The following PMM2 variants were observed in gnomAD, a reference collection of about 807,000 sequenced individuals.
PMM2 encodes phosphomannomutase 2.
Under a neutral mutation model 33.2 loss-of-function variants are expected in PMM2, and 35 were observed. The ratio of observed to expected loss-of-function variants is 1.06; its 90% CI spans 0.81 to 1.40. The LOEUF (loss-of-function observed/expected upper bound fraction) is 1.40, where lower values mean the gene tolerates loss of function less well. Among genes scored for constraint, PMM2 ranks in the 40% most tolerant of loss-of-function variants. PMM2 has a pLI of 0.00. For missense variants in PMM2, 386 were observed against 306.0 expected, an observed-to-expected ratio of 1.26 and a Z score of -1.95; for synonymous variants, 153 against 114.7, an observed-to-expected ratio of 1.33 and a Z score of -2.13.
chr16:8,803,008 G>T (rs906431233), intron 2 of PMM2, among the ~76,000 whole-genome samples: 1 of 152,046 alleles, frequency 6.6e-6, no homozygotes, highest in Non-Finnish European at 1.5e-5. Flanking sequence ...CCTGTGCATT[G>T]TAGGGTCTTT....
intron 7 of PMM2, among the ~76,000 whole-genome samples, chr16:8,827,898 G>GTTATATAATATATGATATATA (rs1567164862): frequency 1.3e-3 from 37 of 27,770 alleles, no homozygotes; most frequent in Non-Finnish European, 9.6e-4. Context: ...TGATATATAT[G>GTTATATAATATATGATATATA]ATATATATTA....
chr16:8,843,832 G>A (rs187169741), intron 7 of PMM2, among the ~76,000 whole-genome samples: 1 of 152,106 alleles, frequency 6.6e-6, no homozygotes, highest in Non-Finnish European at 1.5e-5. Context: ...GGGTCTAGGG[G>A]CTGAGGAAGA....
intron 7 of PMM2, among the ~76,000 whole-genome samples, chr16:8,820,856 G>T (rs1378010535): frequency 4.6e-5 from 7 of 152,204 alleles, no homozygotes; most frequent in Admixed American, 1.3e-4. Context: ...ATTGGAGCCT[G>T]CCAAGTCCCT....
chr16:8,835,885 AGAG>A, intron 7 of PMM2, among the ~76,000 whole-genome samples: 1 of 151,916 alleles, frequency 6.6e-6, no homozygotes, highest in Non-Finnish European at 1.5e-5. Flanking sequence ...GGGGGATACA[AGAG>A]GAGGACACAA....
chr16:8,819,434 TG>T (rs1475780883), intron 7 of PMM2, among the ~76,000 whole-genome samples: 1 of 152,146 alleles, frequency 6.6e-6, no homozygotes, highest in Non-Finnish European at 1.5e-5. Context: ...GAGGTTACTG[TG>T]GGGGTGGGGA....
chr16:8,799,249 C>T (rs774737581), intron 1 of PMM2, among the ~76,000 whole-genome samples: 1 of 152,148 alleles, frequency 6.6e-6, no homozygotes, highest in South Asian at 2.1e-4. Context: ...GTCTGTGGGC[C>T]ATAGTGGTCT....
At chr16:8,810,934 A>G in intron 4 of PMM2, 145 bp from the exon 5 acceptor site, 1 of 681,204 alleles carries the variant, frequency 1.5e-6, no homozygotes, top group Non-Finnish European at 2.7e-6. Context: ...GTTCATGGCT[A>G]CCATATTACA....
In PMM2 at chr16:8,800,560, A is replaced by T. The variant is rs558442464; in HGVS notation, c.67-1239A>T. Among the ~76,000 whole-genome samples the T allele has an allele frequency of 3.5e-4, 53 of 152,274 alleles. 2 individuals are homozygous for T. In the South Asian group the frequency reaches 9.7e-3, roughly 28 times the overall value. On this transcript the variant is annotated intron_variant, in intron 1 of 7. Coordinates refer to ENST00000268261, the MANE Select transcript of PMM2 (RefSeq NM_000303.3). ...ATACCACTAAGACCACTCTTTCTAGATAGGAGCTTTGCTTTTAGAAGAGAC... is the reference window on the plus strand; with the variant it reads ...ATACCACTAAGACCACTCTTTCTAGTTAGGAGCTTTGCTTTTAGAAGAGAC...
intron 7 of PMM2, among the ~76,000 whole-genome samples, chr16:8,840,732 G>GGGA (rs2060884350): frequency 6.6e-6 from 1 of 151,998 alleles, no homozygotes; most frequent in Non-Finnish European, 1.5e-5. Context: ...GAGCCTAGTG[G>GGGA]GGAGGATCCT....
At chr16:8,840,400 C>T (rs2060882287) in intron 7 of PMM2, among the ~76,000 whole-genome samples, 2 of 151,692 alleles carry the variant, frequency 1.3e-5, no homozygotes, top group Admixed American at 6.6e-5. Flanking sequence ...GTAAACCGGC[C>T]GTGTAAACAA....
At chr16:8,841,150 T>G (rs1344275111) in intron 7 of PMM2, among the ~76,000 whole-genome samples, 1 of 151,572 alleles carries the variant, frequency 6.6e-6, no homozygotes, top group African/African-American at 2.4e-5. Context: ...CATTAGTCCG[T>G]TCTACCTTTC....
intron 7 of PMM2, among the ~76,000 whole-genome samples, chr16:8,845,615 G>A (rs891386960): frequency 6.6e-6 from 1 of 151,628 alleles, no homozygotes; most frequent in East Asian, 1.9e-4. Flanking sequence ...GTCTCGCTCT[G>A]TTGCCCAGGC....
intron 7 of PMM2, among the ~76,000 whole-genome samples, chr16:8,818,740 C>G (rs771792254): frequency 1.9e-4 from 28 of 149,600 alleles, no homozygotes; most frequent in Non-Finnish European, 3.2e-4. Flanking sequence ...CGTTGCTTTT[C>G]AAAATATTTG....
chr16:8,842,192 A>G (rs1372902126), intron 7 of PMM2: 2 of 152,156 alleles, frequency 1.3e-5, no homozygotes, highest in Admixed American at 1.3e-4. Flanking sequence ...CAAGATCAAC[A>G]GGCAGAGCAC....
chr16:8,826,152 G>T (rs987527275), intron 7 of PMM2, among the ~76,000 whole-genome samples: 1 of 152,044 alleles, frequency 6.6e-6, no homozygotes. Flanking sequence ...ATACCCTTTC[G>T]ATTTTAGCCA....
At chr16:8,833,376 T>C (rs1363207423) in intron 7 of PMM2, among the ~76,000 whole-genome samples, 1 of 152,218 alleles carries the variant, frequency 6.6e-6, no homozygotes, top group Non-Finnish European at 1.5e-5. Flanking sequence ...CTATTTTTAC[T>C]TTTGCGGATC....
chr16:8,847,852 G>C lies in PMM2; in HGVS notation c.*27G>C. 1 of 1,560,292 alleles carries C rather than the reference G, an allele frequency of 6.4e-7. No homozygotes were observed. The highest frequency in any genetic ancestry group is 8.8e-7 in the Non-Finnish European group (1 of 1,134,512). On this transcript the variant is annotated 3_prime_UTR_variant, in exon 8 of 8. Coordinates refer to ENST00000268261, the MANE Select transcript of PMM2 (RefSeq NM_000303.3). ...GTGGGAGCGGGAGGGGCGGGGTCCC[G>C]GCTGACAAGCCAGCATAGGGCATTC...
chr16:8,847,521 A>C (rs1297283789), intron 7 of PMM2: 2 of 583,006 alleles, frequency 3.4e-6, no homozygotes, highest in African/African-American at 3.7e-5. Context: ...GCCAAATTGC[A>C]GTTCAAGAGA....
At chr16:8,818,465 A>G (rs2060719777) in intron 7 of PMM2, among the ~76,000 whole-genome samples, 1 of 152,208 alleles carries the variant, frequency 6.6e-6, no homozygotes. Flanking sequence ...TCCAAATACT[A>G]GCCTTACACT....
Sources: gnomAD v4.1 joint callset for allele counts (sites outside exome capture counted in the v4.1 genomes callset) on GRCh38, gnomAD v4.1.1 for gene constraint, MANE v1.5 for transcripts, NCBI Gene and HGNC (gene_info 2026-07-23, HGNC 2026-07-21) for gene names.